ZNF704: variants seen among roughly 807,000 people sequenced by gnomAD.
ZNF704 encodes glucocorticoid induced gene 1.
A neutral mutation model predicts 44.7 loss-of-function variants in ZNF704; 10 were observed. That is an observed-to-expected ratio of 0.22 (90% CI 0.14 to 0.38). The LOEUF is 0.38. Among genes scored for constraint, ZNF704 ranks in the 10% least tolerant of loss-of-function variants. ZNF704 has a pLI of 1.00. For synonymous variants in ZNF704, 211 were observed against 207.6 expected, an observed-to-expected ratio of 1.02 and a Z score of -0.14; for missense variants, 390 against 545.5, an observed-to-expected ratio of 0.71 and a Z score of 2.84.
At chr8:80,664,560 C>T (rs1449284764) in intron 6 of ZNF704, among the ~76,000 whole-genome samples, 1 of 152,232 alleles carries the variant, frequency 6.6e-6, no homozygotes, top group African/African-American at 2.4e-5. Flanking sequence ...GCGTGAGCCA[C>T]TGTGCCCAAG....
chr8:80,803,632 T>C (rs1807938406), intron 2 of ZNF704, among the ~76,000 whole-genome samples: 1 of 152,218 alleles, frequency 6.6e-6, no homozygotes, highest in Non-Finnish European at 1.5e-5. Flanking sequence ...GCTAGCCATA[T>C]GCAGAATATT....
chr8:80,707,424 G>T (rs1178150187), intron 2 of ZNF704, among the ~76,000 whole-genome samples: 1 of 152,060 alleles, frequency 6.6e-6, no homozygotes, highest in Non-Finnish European at 1.5e-5. Context: ...AGAGTGTTTT[G>T]CTTTCAAAAG....
intron 2 of ZNF704, among the ~76,000 whole-genome samples, chr8:80,703,123 T>G (rs1248479392): frequency 6.6e-6 from 1 of 152,138 alleles, no homozygotes; most frequent in African/African-American, 2.4e-5. Context: ...TGCTCTGGTC[T>G]CCCGACTCTC....
chr8:80,754,428 C>T (rs1367221554), intron 2 of ZNF704, among the ~76,000 whole-genome samples: 1 of 152,106 alleles, frequency 6.6e-6, no homozygotes, highest in African/African-American at 2.4e-5. Context: ...AAAATTAAAA[C>T]AAGTATTAAA....
intron 2 of ZNF704, among the ~76,000 whole-genome samples, chr8:80,719,308 T>C (rs1204203350): frequency 1.3e-5 from 2 of 152,140 alleles, no homozygotes; most frequent in Non-Finnish European, 2.9e-5. Flanking sequence ...AACAATTTAC[T>C]GAGGTTTAAA....
chr8:80,649,831 G>A (rs182798187), intron 7 of ZNF704, among the ~76,000 whole-genome samples: 6 of 152,340 alleles, frequency 3.9e-5, no homozygotes, highest in East Asian at 1.9e-4. Flanking sequence ...CTCCCAGCAC[G>A]CAGCTGGAGA....
rs1045598351 is a variant in ZNF704 at position 80,860,035 on chromosome 8, G to A, written c.-22+14536C>T. On this transcript the variant is annotated intron_variant, in intron 1 of 8. Transcript: ENST00000327835. ...TGCAAAAATCCCAAGACAGTGTGGG[G>A]CAAACAAGATTGTAAGAACGAAACC... Among the ~76,000 whole-genome samples the A allele has an allele frequency of 3.9e-5, 6 of 152,176 alleles. No homozygotes were observed. The South Asian group carries it at 8.3e-4, about 21-fold the overall frequency.
At chr8:80,722,775 G>A (rs931472740) in intron 2 of ZNF704, among the ~76,000 whole-genome samples, 6 of 151,592 alleles carry the variant, frequency 4.0e-5, no homozygotes, top group Non-Finnish European at 7.4e-5. Context: ...TATATTTACT[G>A]TTGGGAAGAG....
intron 2 of ZNF704, among the ~76,000 whole-genome samples, chr8:80,701,708 G>A (rs1454283964): frequency 1.3e-5 from 2 of 152,194 alleles, no homozygotes; most frequent in African/African-American, 4.8e-5. Context: ...AGAATTTCAG[G>A]AAGAACAGGT....
rs1817600864 is a variant in ZNF704 at position 80,632,343 on chromosome 8, A to G, written c.*9023T>C. On this transcript the variant is annotated 3_prime_UTR_variant, in exon 9 of 9. Coordinates refer to ENST00000327835, the MANE Select transcript of ZNF704 (RefSeq NM_001033723.3). ...CCCGACTAATTTTTGTATTTTTAGT[A>G]AAGACAGGGTTTCCCTCTTTCTTCT... 6.6e-6 allele frequency: 1 copy of G among 152,166 alleles called. No homozygotes were observed. Among genetic ancestry groups the G allele is most frequent in the South Asian group, 2.1e-4 (1 of 4,814 alleles). 9.4% of individuals were successfully genotyped at this position (152,166 alleles called of 1,614,324 possible).
intron 7 of ZNF704, among the ~76,000 whole-genome samples, chr8:80,646,280 G>A (rs938790912): frequency 1.3e-5 from 2 of 152,106 alleles, no homozygotes; most frequent in African/African-American, 2.4e-5. Context: ...AGGAGTTTGA[G>A]CCCAGTCTGG....
At chr8:80,866,007 A>T (rs7010024) in intron 1 of ZNF704, among the ~76,000 whole-genome samples, 32,687 of 152,094 alleles carry the variant, frequency 0.21, 5,075 homozygotes, top group African/African-American at 0.44. Flanking sequence ...GAACACATAT[A>T]TCAGACTTAT....
chr8:80,680,993 T>C (rs951894957), intron 4 of ZNF704, among the ~76,000 whole-genome samples: 6 of 152,232 alleles, frequency 3.9e-5, no homozygotes, highest in Admixed American at 2.0e-4. Flanking sequence ...CCTGGCTTTT[T>C]TTCCCCCTCT....
At chr8:80,650,255 TCTC>T (rs1227672622) in intron 7 of ZNF704, among the ~76,000 whole-genome samples, 1 of 152,002 alleles carries the variant, frequency 6.6e-6, no homozygotes, top group African/African-American at 2.4e-5. Context: ...TCAGAGCGCC[TCTC>T]CTCCTCCAAA....
chr8:80,665,809 C>CTATTT (rs910732784), intron 5 of ZNF704, among the ~76,000 whole-genome samples: 15 of 151,434 alleles, frequency 9.9e-5, no homozygotes, highest in African/African-American at 1.9e-4. Context: ...AATGCGGGCA[C>CTATTT]TATTTTATTT....
At chr8:80,860,957 TG>T (rs199692985) in intron 1 of ZNF704, among the ~76,000 whole-genome samples, 3 of 151,920 alleles carry the variant, frequency 2.0e-5, no homozygotes, top group Non-Finnish European at 2.9e-5. Context: ...AGATGGGTGG[TG>T]GGGGGGCAGG....
chr8:80,840,657 C>T (rs17474841), intron 1 of ZNF704, among the ~76,000 whole-genome samples: 25,526 of 152,068 alleles, frequency 0.17, 2,479 homozygotes, highest in African/African-American at 0.27. Flanking sequence ...TCAATAGAGT[C>T]GTCTTCCCAG....
rs947744840 is a variant in ZNF704, at chr8:80,634,474, G to A, written c.*6892C>T. 1.3e-5 allele frequency: 2 copies of A among 152,290 alleles called. No individual in the cohort carries two copies. The highest frequency in any genetic ancestry group is 2.4e-5 in the African/African-American group (1 of 41,450). The allele number at this position is 152,290 out of a possible 1,614,324, so 9.4% of individuals were successfully genotyped here. A position where few individuals can be genotyped will look rare whatever the true frequency, so the allele number is the denominator to read the frequency against. ...GTGAAATCCACTTTTCCCAATAGTT[G>A]AAACTGGGGGCTGCAGGCTGCACCT... is the stretch of plus-strand genomic sequence containing the variant. On this transcript the variant is annotated 3_prime_UTR_variant, in exon 9 of 9. Coordinates refer to ENST00000327835, the MANE Select transcript of ZNF704 (RefSeq NM_001033723.3).
intron 1 of ZNF704, among the ~76,000 whole-genome samples, chr8:80,858,095 A>G (rs1157434450): frequency 1.3e-5 from 2 of 152,308 alleles, no homozygotes; most frequent in Non-Finnish European, 2.9e-5. Context: ...TTTAAAATCT[A>G]TAAGATCTAT....
Sources: gnomAD v4.1 joint callset for allele counts (sites outside exome capture counted in the v4.1 genomes callset) on GRCh38, gnomAD v4.1.1 for gene constraint, MANE v1.5 for transcripts, NCBI Gene and HGNC (gene_info 2026-07-23, HGNC 2026-07-21) for gene names.